The following PPARGC1A variants were observed in gnomAD, a reference collection of about 807,000 sequenced individuals.
PPARGC1A encodes the protein PPARG coactivator 1 alpha, also known as peroxisome proliferator-activated receptor gamma coactivator 1-alpha.
PPARGC1A carries 25 observed loss-of-function variants against 88.7 expected under a neutral mutation model. The ratio of observed to expected loss-of-function variants is 0.28; its 90% CI spans 0.21 to 0.39. The LOEUF (loss-of-function observed/expected upper bound fraction) is 0.39, where lower values mean the gene tolerates loss of function less well. PPARGC1A is among the 10% of genes least tolerant of loss of function. The pLI is 1.00. For missense variants in PPARGC1A, 880 were observed against 968.7 expected, an observed-to-expected ratio of 0.91 and a Z score of 1.22; for synonymous variants, 363 against 355.6, an observed-to-expected ratio of 1.02 and a Z score of -0.24.
At chr4:24,362,449 T>A in the PPARGC1A span, among the ~76,000 whole-genome samples, 1 of 152,128 alleles carries the variant, frequency 6.6e-6, no homozygotes, top group African/African-American at 2.4e-5. Context: ...TAAATGCTTT[T>A]ACAGTTTTTT....
the PPARGC1A span, among the ~76,000 whole-genome samples, chr4:24,372,213 A>C: frequency 6.6e-6 from 1 of 152,198 alleles, no homozygotes; most frequent in Non-Finnish European, 1.5e-5. Flanking sequence ...TGAGCACGTC[A>C]TTTAACTCAT....
chr4:24,230,082 T>C, the PPARGC1A span, among the ~76,000 whole-genome samples: 1 of 152,166 alleles, frequency 6.6e-6, no homozygotes, highest in African/African-American at 2.4e-5. Context: ...CGTTTTCAAA[T>C]GAAGTGCAAT....
the PPARGC1A span, among the ~76,000 whole-genome samples, chr4:23,964,797 A>G: frequency 6.6e-6 from 1 of 152,308 alleles, no homozygotes; most frequent in East Asian, 1.9e-4. Context: ...AAGAAGTTCA[A>G]TGAAGAGTGG....
the PPARGC1A span, among the ~76,000 whole-genome samples, chr4:24,175,003 C>T: frequency 1.3e-5 from 2 of 152,202 alleles, no homozygotes; most frequent in South Asian, 2.1e-4. Flanking sequence ...ACAAATGTCT[C>T]CCAGGAATCT....
chr4:24,227,154 G>A, the PPARGC1A span, among the ~76,000 whole-genome samples: 5 of 151,598 alleles, frequency 3.3e-5, no homozygotes, highest in African/African-American at 7.3e-5. Flanking sequence ...GTGCGATCTC[G>A]GCTCACTGCA....
the PPARGC1A span, among the ~76,000 whole-genome samples, chr4:24,086,851 A>T: frequency 6.6e-6 from 1 of 152,224 alleles, no homozygotes; most frequent in Non-Finnish European, 1.5e-5. Context: ...TCTCCATGAC[A>T]ATCTCATAAA....
the PPARGC1A span, among the ~76,000 whole-genome samples, chr4:24,040,161 C>G: frequency 6.6e-6 from 1 of 152,164 alleles, no homozygotes; most frequent in Non-Finnish European, 1.5e-5. Context: ...TACACACTGA[C>G]TAGGTATCTT....
chr4:24,213,665 G>A, the PPARGC1A span, among the ~76,000 whole-genome samples: 479 of 152,318 alleles, frequency 3.1e-3, 1 homozygote, highest in Non-Finnish European at 5.3e-3. Flanking sequence ...CTAGAAAAGA[G>A]TACATATGTG....
chr4:24,148,903 C>T, the PPARGC1A span, among the ~76,000 whole-genome samples: 2 of 152,218 alleles, frequency 1.3e-5, no homozygotes, highest in Non-Finnish European at 1.5e-5. Flanking sequence ...TGACATAAGA[C>T]TAAATGCCTC....
At chr4:24,017,269 C>T in the PPARGC1A span, among the ~76,000 whole-genome samples, 3 of 152,056 alleles carry the variant, frequency 2.0e-5, no homozygotes, top group Non-Finnish European at 2.9e-5. Flanking sequence ...AACCAGGTAA[C>T]CAGTTGTGAC....
the PPARGC1A span, among the ~76,000 whole-genome samples, chr4:24,245,320 G>A: frequency 6.6e-6 from 1 of 152,188 alleles, no homozygotes; most frequent in African/African-American, 2.4e-5. Context: ...TTTAGGCCTG[G>A]TCAGATAAGC....
chr4:24,438,431 A>G, the PPARGC1A span, among the ~76,000 whole-genome samples: 1 of 152,160 alleles, frequency 6.6e-6, no homozygotes, highest in Non-Finnish European at 1.5e-5. Context: ...AATTATCCAA[A>G]ATTTGAGTCT....
At chr4:24,015,659 C>T in the PPARGC1A span, among the ~76,000 whole-genome samples, 1 of 152,036 alleles carries the variant, frequency 6.6e-6, no homozygotes, top group Non-Finnish European at 1.5e-5. Flanking sequence ...GAGTGTAATG[C>T]ACTCTTGTGT....
the PPARGC1A span, among the ~76,000 whole-genome samples, chr4:24,323,696 C>T: frequency 6.6e-6 from 1 of 152,232 alleles, no homozygotes; most frequent in Non-Finnish European, 1.5e-5. Context: ...TTGGTGGTCT[C>T]TTCACACGGA....
At chr4:24,359,937 C>T in the PPARGC1A span, among the ~76,000 whole-genome samples, 1 of 152,122 alleles carries the variant, frequency 6.6e-6, no homozygotes, top group African/African-American at 2.4e-5. Flanking sequence ...GTTACAGCAG[C>T]CCGAGGAAAC....
intron 2 of PPARGC1A, among the ~76,000 whole-genome samples, chr4:23,870,072 C>T (rs1303287297): frequency 2.0e-5 from 3 of 152,162 alleles, no homozygotes; most frequent in South Asian, 2.1e-4. Context: ...TCAAAGTCTA[C>T]ACAGGAAACA....
the PPARGC1A span, among the ~76,000 whole-genome samples, chr4:24,234,140 G>T: frequency 1.3e-5 from 2 of 152,180 alleles, no homozygotes; most frequent in African/African-American, 4.8e-5. Context: ...CTACTGAAAT[G>T]AAAGCACAAT....
chr4:24,324,710 T>C, the PPARGC1A span, among the ~76,000 whole-genome samples: 1 of 152,178 alleles, frequency 6.6e-6, no homozygotes, highest in South Asian at 2.1e-4. Context: ...AATGGGCAAA[T>C]GGTCTGAGGT....
chr4:23,997,702 G>C, the PPARGC1A span, among the ~76,000 whole-genome samples: 7 of 151,800 alleles, frequency 4.6e-5, no homozygotes, highest in Non-Finnish European at 7.4e-5. Flanking sequence ...GGTTTGCCCA[G>C]GGTGGTCTTG....
Sources: gnomAD v4.1 joint callset for allele counts (sites outside exome capture counted in the v4.1 genomes callset) on GRCh38, gnomAD v4.1.1 for gene constraint, MANE v1.5 for transcripts, NCBI Gene and HGNC (gene_info 2026-07-23, HGNC 2026-07-21) for gene names.